Variants in GRIK2 observed in about 807,000 individuals in gnomAD.
GRIK2 encodes the protein glutamate ionotropic receptor kainate type subunit 2.
In GRIK2, 32 loss-of-function variants were observed where a neutral mutation model predicts 100.3. That is an observed-to-expected ratio of 0.32 (90% CI 0.24 to 0.43). GRIK2 has a LOEUF of 0.43. GRIK2 is among the 20% of genes least tolerant of loss of function. The pLI is 1.00. For missense variants in GRIK2, 843 were observed against 1,114.9 expected (o/e 0.76, Z 3.47); for synonymous variants, 417 against 389.4 (o/e 1.07, Z -0.83).
chr6:101,707,337 A>G (rs2128356474), intron 7 of GRIK2, among the ~76,000 whole-genome samples: 1 of 151,302 alleles, frequency 6.6e-6, no homozygotes, highest in South Asian at 2.1e-4. Context: ...TATGGAAAAT[A>G]ATACAGTCAG....
chr6:102,017,548 A>G (rs1355243874), intron 14 of GRIK2, among the ~76,000 whole-genome samples: 2 of 152,084 alleles, frequency 1.3e-5, no homozygotes, highest in Admixed American at 6.6e-5. Context: ...TACTTTCTGG[A>G]TATGTAGTTT....
At position 101,634,139 on chromosome 6, in the gene GRIK2, G is replaced by A. The variant is rs2786255; in HGVS notation, c.541+7502G>A. ...GCAATAGGGCAACACTGGAAGCAGG[G>A]GAATTCCTGAATTAGCCAAGTTGAA... On this transcript the variant is annotated intron_variant, in intron 4 of 16. Transcript: ENST00000369134. Among the ~76,000 whole-genome samples the A allele has an allele frequency of 4.1e-3, 623 of 152,124 alleles. 5 individuals are homozygous for A. Among genetic ancestry groups the A allele is most frequent in the African/African-American group, 0.015 (605 of 41,524 alleles).
intron 11 of GRIK2, among the ~76,000 whole-genome samples, chr6:101,880,692 T>G (rs1355530805): frequency 1.3e-5 from 2 of 152,048 alleles, no homozygotes; most frequent in Non-Finnish European, 2.9e-5. Flanking sequence ...GTTCCAAGTC[T>G]TATTTTTATA....
chr6:101,576,888 G>GA (rs58349222), intron 2 of GRIK2, among the ~76,000 whole-genome samples: 12,062 of 148,106 alleles, frequency 0.081, 1,537 homozygotes, highest in African/African-American at 0.27. Flanking sequence ...TCCATTTCAG[G>GA]AAAAAAAAAA....
intron 10 of GRIK2, among the ~76,000 whole-genome samples, chr6:101,842,313 T>C (rs1386383433): frequency 6.6e-6 from 1 of 152,168 alleles, no homozygotes; most frequent in Non-Finnish European, 1.5e-5. Flanking sequence ...TGGAAATTCA[T>C]TTATCTCCAT....
rs144206549 is a variant in GRIK2 at position 101,627,220 on chromosome 6, C to A, written c.541+583C>A. Reference sequence around the variant, plus strand: ...ACAAGGGTGCAATCTCAGCTTACTGCAACCTCTGCCTCCCAGGTTCAAGCG... The same window carrying A: ...ACAAGGGTGCAATCTCAGCTTACTGAAACCTCTGCCTCCCAGGTTCAAGCG... On this transcript the variant is annotated intron_variant, in intron 4 of 16. Coordinates refer to ENST00000369134, the MANE Select transcript of GRIK2 (RefSeq NM_021956.5). Among the ~76,000 whole-genome samples, 492 of 151,960 alleles carry A rather than the reference C, an allele frequency of 3.2e-3. 8 individuals are homozygous for A. Among genetic ancestry groups the A allele is most frequent in the Non-Finnish European group, 3.4e-3 (230 of 67,954 alleles).
At chr6:101,790,484 G>A (rs1004132784) in intron 7 of GRIK2, among the ~76,000 whole-genome samples, 1 of 149,952 alleles carries the variant, frequency 6.7e-6, no homozygotes, top group Admixed American at 6.6e-5. Context: ...TTTGTCTTTG[G>A]CTCTGTTTAT....
intron 2 of GRIK2, among the ~76,000 whole-genome samples, chr6:101,476,900 G>A (rs190450044): frequency 2.6e-4 from 40 of 152,214 alleles, no homozygotes; most frequent in Non-Finnish European, 5.1e-4. Context: ...CATCCAAGGC[G>A]CAGTAGCATG....
At position 101,651,771 on chromosome 6, in the gene GRIK2, T is replaced by G. The variant is rs182214282; in HGVS notation, c.542-24852T>G. ...GTGCCTACTAACGTCTCACTGGAGATCTGATGGAGTAGGCAGTTGGATATA... is the reference window on the plus strand; with the variant it reads ...GTGCCTACTAACGTCTCACTGGAGAGCTGATGGAGTAGGCAGTTGGATATA... On this transcript the variant is annotated intron_variant, in intron 4 of 16. Coordinates refer to ENST00000369134, the MANE Select transcript of GRIK2 (RefSeq NM_021956.5). Among the ~76,000 whole-genome samples, 68 of 152,206 alleles carry G rather than the reference T, an allele frequency of 4.5e-4. 1 individual carries two copies. In the Middle Eastern group the frequency reaches 0.01, roughly 23 times the overall value.
intron 12 of GRIK2, among the ~76,000 whole-genome samples, chr6:101,893,899 T>G (rs1323458247): frequency 6.6e-6 from 1 of 151,634 alleles, no homozygotes; most frequent in Non-Finnish European, 1.5e-5. Flanking sequence ...TTGAATAAAT[T>G]TATAATAATA....
At chr6:101,895,623 C>A (rs1787387447) in intron 12 of GRIK2, among the ~76,000 whole-genome samples, 1 of 151,700 alleles carries the variant, frequency 6.6e-6, no homozygotes, top group African/African-American at 2.4e-5. Context: ...CAGTGTTAAA[C>A]TAATCCGCTG....
At position 101,410,262 on chromosome 6, in the gene GRIK2, A is replaced by G. The variant is rs184101117; in HGVS notation, c.115+10870A>G. ...ATCATTCTTTATGCATCTGCCTATGATGAACTTTTAGTTATTTCAAGGTTT... is the reference window on the plus strand; with the variant it reads ...ATCATTCTTTATGCATCTGCCTATGGTGAACTTTTAGTTATTTCAAGGTTT... On this transcript the variant is annotated intron_variant, in intron 2 of 16. Coordinates refer to ENST00000369134, the MANE Select transcript of GRIK2 (RefSeq NM_021956.5). Among the ~76,000 whole-genome samples the G allele has an allele frequency of 2.0e-5, 3 of 152,250 alleles. No homozygotes were observed. The East Asian group carries it at 5.8e-4, about 29-fold the overall frequency.
chr6:101,601,120 GTTTTTTTT>G (rs34999814), intron 2 of GRIK2, among the ~76,000 whole-genome samples: 26,319 of 140,384 alleles, frequency 0.19, 2,862 homozygotes, highest in African/African-American at 0.3. Context: ...AGTTTGTTGA[GTTTTTTTT>G]TTTTTTTTTT....
At position 101,707,606 on chromosome 6, in the gene GRIK2, G is replaced by GTATA. The variant is rs201561174; in HGVS notation, c.951+21271_951+21274dup. ...TGTGTGTGTGTGTGTATATATGTGT[G>GTATA]TATATATATATATATATATATGAAT... On this transcript the variant is annotated intron_variant, in intron 7 of 16. Coordinates refer to ENST00000369134, the MANE Select transcript of GRIK2 (RefSeq NM_021956.5). Among the ~76,000 whole-genome samples, 252 of 122,922 alleles carry GTATA rather than the reference G, an allele frequency of 2.1e-3. 2 individuals are homozygous for GTATA. The highest frequency in any genetic ancestry group is 7.4e-3 in the East Asian group (29 of 3,910). 80.6% of individuals were successfully genotyped at this position (122,922 alleles called of 152,430 possible).
intron 15 of GRIK2, among the ~76,000 whole-genome samples, chr6:102,044,202 T>C (rs541950513): frequency 4.1e-4 from 63 of 152,182 alleles, no homozygotes; most frequent in South Asian, 2.5e-3. Flanking sequence ...TGGTGTCAGA[T>C]AAAAGTGAAC....
intron 2 of GRIK2, among the ~76,000 whole-genome samples, chr6:101,589,363 T>C (rs1169893146): frequency 6.6e-6 from 1 of 152,164 alleles, no homozygotes; most frequent in East Asian, 1.9e-4. Context: ...TTATTAACTA[T>C]AGCCACCATG....
In GRIK2 at chr6:101,899,024, T is replaced by C. The variant is rs149228849; in HGVS notation, c.1748+9161T>C. ...TACATTCCATTACATAATTACATCATTCAAGTTAAACTGTTTTCATATCAA... is the reference window on the plus strand; with the variant it reads ...TACATTCCATTACATAATTACATCACTCAAGTTAAACTGTTTTCATATCAA... On this transcript the variant is annotated intron_variant, in intron 12 of 16. Coordinates refer to ENST00000369134, the MANE Select transcript of GRIK2 (RefSeq NM_021956.5). Among the ~76,000 whole-genome samples the C allele has an allele frequency of 7.9e-3, 1,196 of 151,754 alleles. 22 individuals carry two copies. Among genetic ancestry groups the C allele is most frequent in the African/African-American group, 0.027 (1,132 of 41,508 alleles).
At chr6:101,462,006 A>G (rs1771332407) in intron 2 of GRIK2, among the ~76,000 whole-genome samples, 1 of 152,140 alleles carries the variant, frequency 6.6e-6, no homozygotes, top group African/African-American at 2.4e-5. Context: ...CTCAGTTCTG[A>G]TTTACCTAGT....
intron 14 of GRIK2, among the ~76,000 whole-genome samples, chr6:101,983,888 A>C (rs1260609600): frequency 1.3e-5 from 2 of 151,710 alleles, no homozygotes; most frequent in African/African-American, 4.8e-5. Context: ...TAGAAAACAA[A>C]TTTGAGAATC....
Sources: allele counts gnomAD v4.1 joint callset (sites outside exome capture counted in the v4.1 genomes callset), GRCh38; gene constraint gnomAD v4.1.1; transcripts MANE v1.5; gene names NCBI Gene and HGNC (gene_info 2026-07-23, HGNC 2026-07-21).